Variants in FRMD4B observed in about 807,000 individuals in gnomAD.
FRMD4B encodes FERM domain containing 4B.
Under a neutral mutation model 141.5 loss-of-function variants are expected in FRMD4B, and 74 were observed. The ratio of observed to expected loss-of-function variants is 0.52; its 90% CI spans 0.43 to 0.63. The LOEUF (loss-of-function observed/expected upper bound fraction) is 0.63. Among genes scored for constraint, FRMD4B ranks in the 30% least tolerant of loss-of-function variants. The pLI is 0.00. For missense variants in FRMD4B, 1,366 were observed against 1,253.4 expected (o/e 1.09, Z -1.36); for synonymous variants, 506 against 467.9 (o/e 1.08, Z -1.05).
chr3:69,478,836 G>A (rs1230862176), intron 1 of FRMD4B, among the ~76,000 whole-genome samples: 1 of 151,916 alleles, frequency 6.6e-6, no homozygotes, highest in Non-Finnish European at 1.5e-5. Context: ...TTGTGTGGGA[G>A]TCTAAGTCTC....
intron 1 of FRMD4B, among the ~76,000 whole-genome samples, chr3:69,342,738 T>C (rs1702779366): frequency 6.6e-6 from 1 of 152,210 alleles, no homozygotes; most frequent in African/African-American, 2.4e-5. Flanking sequence ...ATCCATCATT[T>C]CAAACATTTA....
rs2092869151 is a variant in FRMD4B at position 69,193,886 on chromosome 3, A to G, written c.1489-13T>C. 1 of 1,512,694 alleles carries G rather than the reference A, an allele frequency of 6.6e-7. No individual in the cohort carries two copies. Among genetic ancestry groups the G allele is most frequent in the African/African-American group, 1.4e-5 (1 of 71,968 alleles). The allele number at this position is 1,512,694 out of a possible 1,614,324, so 93.7% of individuals were successfully genotyped here. A position where few individuals can be genotyped will look rare whatever the true frequency, so the allele number is the denominator to read the frequency against. ...GCAAAGCAGGATCCTGCATTTATAC[A>G]ATGATAGTTTTATTTTTATGGACAC... On this transcript the variant is annotated splice_polypyrimidine_tract_variant and intron_variant, in intron 16 of 22. Coordinates refer to ENST00000398540, the MANE Select transcript of FRMD4B (RefSeq NM_015123.3).
chr3:69,423,212 A>T (rs184811819), intron 2 of FRMD4B, among the ~76,000 whole-genome samples: 10 of 152,326 alleles, frequency 6.6e-5, no homozygotes, highest in Admixed American at 6.5e-4. Flanking sequence ...GCAGTGGCAC[A>T]ATCATAGCCC....
At chr3:69,400,225 CA>C (rs201312818) in intron 2 of FRMD4B, among the ~76,000 whole-genome samples, 9,041 of 140,800 alleles carry the variant, frequency 0.064, 711 homozygotes, top group African/African-American at 0.19. Flanking sequence ...GTCTTCACCC[CA>C]AAAAAAAAAA....
intron 11 of FRMD4B, among the ~76,000 whole-genome samples, chr3:69,215,468 T>G (rs1019169212): frequency 6.0e-5 from 9 of 150,178 alleles, no homozygotes; most frequent in Non-Finnish European, 1.3e-4. Context: ...AATTTTTGTA[T>G]TTTTAGTAGA....
At chr3:69,353,092 T>TA (rs5849893) in intron 1 of FRMD4B, among the ~76,000 whole-genome samples, 21,161 of 149,612 alleles carry the variant, frequency 0.14, 1,522 homozygotes, top group Admixed American at 0.16. Flanking sequence ...ATTTAAAATT[T>TA]AAAAAAAAAA....
intron 22 of FRMD4B, among the ~76,000 whole-genome samples, chr3:69,175,705 CAATGTACAGACT>C (rs1479727060): frequency 6.7e-6 from 1 of 150,112 alleles, no homozygotes; most frequent in East Asian, 1.9e-4. Flanking sequence ...ACTCAGAATT[CAATGTACAGACT>C]AAAGAACAGA....
intron 1 of FRMD4B, among the ~76,000 whole-genome samples, chr3:69,451,620 C>T (rs1283813605): frequency 1.3e-5 from 2 of 152,212 alleles, no homozygotes; most frequent in Admixed American, 6.5e-5. Flanking sequence ...AGACTAGCAA[C>T]CATTCCTTAT....
chr3:69,197,448 T>A (rs1327665853), intron 12 of FRMD4B, among the ~76,000 whole-genome samples: 1 of 152,144 alleles, frequency 6.6e-6, no homozygotes, highest in Non-Finnish European at 1.5e-5. Flanking sequence ...ATTTCAGATC[T>A]AGGTAGATTT....
chr3:69,241,758 C>G (rs1289619096), intron 7 of FRMD4B, among the ~76,000 whole-genome samples: 1 of 151,990 alleles, frequency 6.6e-6, no homozygotes, highest in Admixed American at 6.6e-5. Context: ...ATTAGCCAGG[C>G]ATGGTGGCTA....
chr3:69,455,545 G>C (rs1055795894), intron 1 of FRMD4B, among the ~76,000 whole-genome samples: 1 of 152,132 alleles, frequency 6.6e-6, no homozygotes, highest in Non-Finnish European at 1.5e-5. Context: ...CCGGTAAGAA[G>C]GAAGAAACTA....
chr3:69,305,420 T>C (rs1701360895), intron 3 of FRMD4B, among the ~76,000 whole-genome samples: 1 of 152,178 alleles, frequency 6.6e-6, no homozygotes, highest in African/African-American at 2.4e-5. Context: ...TAAAACAAAA[T>C]AAGATAGGAG....
intron 22 of FRMD4B, among the ~76,000 whole-genome samples, chr3:69,172,731 A>G (rs557147096): frequency 5.3e-5 from 8 of 152,346 alleles, no homozygotes. Context: ...GCATATTTAG[A>G]TGGCAATTCC....
At chr3:69,307,529 G>A (rs569693685) in intron 3 of FRMD4B, among the ~76,000 whole-genome samples, 6 of 152,050 alleles carry the variant, frequency 3.9e-5, no homozygotes, top group African/African-American at 1.2e-4. Flanking sequence ...TTAGTAAGAC[G>A]GGGTTTTGCC....
intron 1 of FRMD4B, among the ~76,000 whole-genome samples, chr3:69,329,080 T>C (rs1575735662): frequency 1.3e-5 from 2 of 152,132 alleles, no homozygotes; most frequent in Admixed American, 6.6e-5. Context: ...CAGTAACAGC[T>C]GAGAAACATT....
intron 1 of FRMD4B, chr3:69,334,402 G>A (rs1340085509): frequency 6.6e-6 from 1 of 151,232 alleles, no homozygotes; most frequent in Non-Finnish European, 1.5e-5. Flanking sequence ...GGGAGGCGGA[G>A]GTGGGCAGAT....
At chr3:69,201,125 G>A (rs1162746354) in intron 11 of FRMD4B, among the ~76,000 whole-genome samples, 1 of 151,922 alleles carries the variant, frequency 6.6e-6, no homozygotes, top group Non-Finnish European at 1.5e-5. Flanking sequence ...GAACAAGACT[G>A]GGTTTAAAGC....
intron 3 of FRMD4B, among the ~76,000 whole-genome samples, chr3:69,308,742 GTT>G (rs1264355476): frequency 6.6e-6 from 1 of 151,670 alleles, no homozygotes. Flanking sequence ...GCCCGGCCTT[GTT>G]TTTTTTCTCG....
chr3:69,375,445 C>A (rs1703947264), intron 1 of FRMD4B, among the ~76,000 whole-genome samples: 1 of 150,896 alleles, frequency 6.6e-6, no homozygotes, highest in Non-Finnish European at 1.5e-5. Flanking sequence ...GAAAATAACT[C>A]TTTGATGTAG....
Sources: gnomAD v4.1 joint callset for allele counts (sites outside exome capture counted in the v4.1 genomes callset) on GRCh38, gnomAD v4.1.1 for gene constraint, MANE v1.5 for transcripts, NCBI Gene and HGNC (gene_info 2026-07-23, HGNC 2026-07-21) for gene names.